The following ZNF254 variants were observed in gnomAD, a reference collection of about 807,000 sequenced individuals.
ZNF254 encodes the protein zinc finger protein 254, also known as CTD-2017D11.1.
In ZNF254, 10 loss-of-function variants were observed where a neutral mutation model predicts 12.4. That is an observed-to-expected ratio of 0.80 (90% CI 0.50 to 1.36). The LOEUF (loss-of-function observed/expected upper bound fraction) is 1.36, where lower values mean the gene tolerates loss of function less well. Among genes scored for constraint, ZNF254 ranks in the 40% most tolerant of loss-of-function variants. The probability of loss-of-function intolerance (pLI) is 0.00; values close to 1 mark genes in which losing one functional copy is unlikely to be tolerated. For missense variants in ZNF254, 996 were observed against 763.9 expected (o/e 1.30, Z -3.58); for synonymous variants, 305 against 253.4 (o/e 1.20, Z -1.93).
chr19:24,078,007 CTG>C (rs1342259256), intron 2 of ZNF254, among the ~76,000 whole-genome samples: 3 of 152,244 alleles, frequency 2.0e-5, no homozygotes, highest in Non-Finnish European at 4.4e-5. Context: ...AGAGATGAGA[CTG>C]TGGAACTTCA....
chr19:24,110,461 A>AGAGACTGAGGGGCAGGATTAGTT (rs1973599179), intron 3 of ZNF254, among the ~76,000 whole-genome samples: 1 of 151,896 alleles, frequency 6.6e-6, no homozygotes, highest in Admixed American at 6.6e-5. Flanking sequence ...CAGCTACTTG[A>AGAGACTGAGGGGCAGGATTAGTT]GAGACTGAGG....
At chr19:24,104,659 G>A (rs1337281056) in intron 1 of ZNF254, 8 of 152,048 alleles carry the variant, frequency 5.3e-5, no homozygotes, top group Admixed American at 5.2e-4. Flanking sequence ...CTTTTTATAT[G>A]CCATGTAAGA....
Position 24,127,282 on chromosome 19 carries a change from C to A in ZNF254, c.1282C>A (p.His428Asn). The A allele has an allele frequency of 1.9e-6, 3 of 1,613,530 alleles. No homozygotes were observed. The South Asian group carries it at 3.3e-5, about 18-fold the overall frequency. ...SSNLTTHKII[H>N]TGEKPYKCEE... ...AAATCTTACTACACATAAGATAATTCATACTGGAGAGAAACCTTACAAGTG... is the reference window on the plus strand; with the variant it reads ...AAATCTTACTACACATAAGATAATTAATACTGGAGAGAAACCTTACAAGTG... The change falls in exon 4 of 4, where the codon CAT becomes AAT. Residue 428 changes from histidine (H) to asparagine (N), a missense_variant. Coordinates refer to ENST00000357002, the MANE Select transcript of ZNF254 (RefSeq NM_203282.4).
chr19:24,076,024 T>G (rs769055539), intron 2 of ZNF254, among the ~76,000 whole-genome samples: 4 of 152,218 alleles, frequency 2.6e-5, no homozygotes, highest in Admixed American at 6.5e-5. Context: ...AAATCACTGT[T>G]ATTGTGTTCT....
Position 24,129,652 on chromosome 19 carries a change from A to T in ZNF254, c.*1672A>T, listed in dbSNP as rs981927438. 13 of 151,996 alleles carry T rather than the reference A, an allele frequency of 8.6e-5. No homozygotes were observed. Among genetic ancestry groups the T allele is most frequent in the Admixed American group, 6.6e-4 (10 of 15,246 alleles). 9.4% of individuals were successfully genotyped at this position (151,996 alleles called of 1,614,324 possible). A position where few individuals can be genotyped will look rare whatever the true frequency, so the allele number is the denominator to read the frequency against. On this transcript the variant is annotated 3_prime_UTR_variant, in exon 4 of 4. Transcript: ENST00000357002. ...CAGGCATACTCTATATAATAATCAC[A>T]TTAGAGGAAATGAGATATCCATTAC...
chr19:24,059,489 A>G (rs1170939779), intron 2 of ZNF254, among the ~76,000 whole-genome samples: 1 of 152,188 alleles, frequency 6.6e-6, no homozygotes, highest in Non-Finnish European at 1.5e-5. Context: ...GCATTGTGAC[A>G]TATTGCTAGA....
intron 3 of ZNF254, among the ~76,000 whole-genome samples, chr19:24,115,243 G>A (rs539605160): frequency 6.6e-6 from 1 of 150,962 alleles, no homozygotes; most frequent in South Asian, 2.1e-4. Context: ...TATTGTGGCA[G>A]TTTTCACAAT....
rs960446197 is a variant in ZNF254, at chr19:24,087,199, C to T, written c.-109C>T. On this transcript the variant is annotated 5_prime_UTR_variant, in exon 1 of 4. Coordinates refer to ENST00000357002, the MANE Select transcript of ZNF254 (RefSeq NM_203282.4). ...GGGATATGGCGGGGCCTTTGTCTCT[C>T]GCTGTCGCCGGAGTCCCAGGTCTGT... The T allele has an allele frequency of 1.4e-6, 2 of 1,462,938 alleles. No homozygotes were observed. The highest frequency in any genetic ancestry group is 1.4e-5 in the African/African-American group (1 of 71,576). The allele number at this position is 1,462,938 out of a possible 1,614,324, so 90.6% of individuals were successfully genotyped here. A position where few individuals can be genotyped will look rare whatever the true frequency, so the allele number is the denominator to read the frequency against.
rs1975108039 is a variant in ZNF254 at position 24,129,636 on chromosome 19, T to C, written c.*1656T>C. ...ATGGTATATTTTGATGCAGGCATAC[T>C]CTATATAATAATCACATTAGAGGAA... On this transcript the variant is annotated 3_prime_UTR_variant, in exon 4 of 4. Transcript: ENST00000357002. 6.6e-6 allele frequency: 1 copy of C among 152,014 alleles called. No homozygotes were observed. The highest frequency in any genetic ancestry group is 2.4e-5 in the African/African-American group (1 of 41,444). 9.4% of individuals were successfully genotyped at this position (152,014 alleles called of 1,614,324 possible).
At chr19:24,124,306 C>T (rs1425937804) in intron 3 of ZNF254, among the ~76,000 whole-genome samples, 2 of 151,932 alleles carry the variant, frequency 1.3e-5, no homozygotes, top group African/African-American at 4.8e-5. Context: ...ATTGTATATT[C>T]ATTAATGAAT....
chr19:24,077,102 C>G (rs112276754), intron 2 of ZNF254, among the ~76,000 whole-genome samples: 1 of 152,154 alleles, frequency 6.6e-6, no homozygotes, highest in Non-Finnish European at 1.5e-5. Context: ...TTCACTGAGC[C>G]AGGCTAAATT....
chr19:24,078,036 G>T (rs1032161765), intron 2 of ZNF254, among the ~76,000 whole-genome samples: 14 of 152,240 alleles, frequency 9.2e-5, no homozygotes, highest in South Asian at 2.1e-4. Flanking sequence ...GGCATTTTTT[G>T]TTGTTGTTGT....
At chr19:24,107,581 ACTCT>A (rs750132659) in intron 3 of ZNF254, among the ~76,000 whole-genome samples, 32 of 152,112 alleles carry the variant, frequency 2.1e-4, no homozygotes, top group South Asian at 1.4e-3. Flanking sequence ...GTTTTAATGT[ACTCT>A]CTCTATATAC....
At chr19:24,115,912 A>G (rs905597949) in intron 3 of ZNF254, among the ~76,000 whole-genome samples, 3 of 152,238 alleles carry the variant, frequency 2.0e-5, no homozygotes, top group Admixed American at 6.5e-5. Flanking sequence ...GTCTCTCAGC[A>G]TTTGCTTGTC....
chr19:24,069,159 A>G (rs1971388463), intron 2 of ZNF254, among the ~76,000 whole-genome samples: 1 of 151,942 alleles, frequency 6.6e-6, no homozygotes, highest in South Asian at 2.1e-4. Context: ...GATGTGTGCC[A>G]CCAAGCCCAG....
chr19:24,067,125 C>T (rs1373070741), intron 2 of ZNF254, among the ~76,000 whole-genome samples: 1 of 151,662 alleles, frequency 6.6e-6, no homozygotes, highest in African/African-American at 2.4e-5. Flanking sequence ...TTTCTTGGAC[C>T]TGCCCATGTA....
At chr19:24,098,954 C>T (rs1410759592) in intron 1 of ZNF254, 2 of 147,648 alleles carry the variant, frequency 1.4e-5, no homozygotes, top group African/African-American at 5.0e-5. Context: ...CCCAAGAGGC[C>T]TGCAGGCTCT....
chr19:24,077,425 A>G (rs1971697165), intron 2 of ZNF254, among the ~76,000 whole-genome samples: 1 of 152,176 alleles, frequency 6.6e-6, no homozygotes, highest in South Asian at 2.1e-4. Context: ...CAGCCAAGGC[A>G]CTGCTAGCTG....
chr19:24,119,338 T>C lies in ZNF254; in HGVS notation c.254-6916T>C, dbSNP rs183854634. ...TCCCAAGCAGCTGGGACTACAGGTG[T>C]GTGCGACCATGCCTGGCGAATTTTT... is the stretch of plus-strand genomic sequence containing the variant. On this transcript the variant is annotated intron_variant, in intron 3 of 3. Transcript: ENST00000357002. Among the ~76,000 whole-genome samples, 131 of 151,904 alleles carry C rather than the reference T, an allele frequency of 8.6e-4. No homozygotes were observed. In the East Asian group the frequency reaches 0.019, roughly 22 times the overall value.
Sources: allele counts gnomAD v4.1 joint callset (sites outside exome capture counted in the v4.1 genomes callset), GRCh38; gene constraint gnomAD v4.1.1; transcripts MANE v1.5; gene names NCBI Gene and HGNC (gene_info 2026-07-23, HGNC 2026-07-21).